RYR1: variants seen among roughly 807,000 people sequenced by gnomAD.
RYR1 encodes the protein ryanodine receptor 1, also known as central core disease of muscle.
Under a neutral mutation model 583.5 loss-of-function variants are expected in RYR1, and 342 were observed. The observed-to-expected ratio is 0.59, with a 90% CI of 0.54 to 0.64. The LOEUF (loss-of-function observed/expected upper bound fraction) is 0.64, where lower values mean the gene tolerates loss of function less well. RYR1 is among the 30% of genes least tolerant of loss of function. The pLI, the probability that RYR1 is intolerant of heterozygous loss-of-function variation, is 0.00. For missense variants in RYR1, 6,032 were observed against 6,917.2 expected, an observed-to-expected ratio of 0.87 and a Z score of 4.54; for synonymous variants, 2,791 against 2,822.5, an observed-to-expected ratio of 0.99 and a Z score of 0.35.
intron 34 of RYR1, among the ~76,000 whole-genome samples, chr19:38,488,342 C>T (rs552659410): frequency 3.3e-4 from 50 of 152,214 alleles, no homozygotes; most frequent in Middle Eastern, 3.4e-3. Context: ...TCATCATCCA[C>T]TTATTCATCT....
rs1038063554 is a variant in RYR1 at position 38,517,636 on chromosome 19, A to C, written c.9963A>C (p.Arg3321Ser). 3.7e-6 allele frequency: 6 copies of C among 1,614,016 alleles called. No individual in the cohort carries two copies. Among genetic ancestry groups the C allele is most frequent in the Non-Finnish European group, 5.1e-6 (6 of 1,180,034 alleles). ...HLNSLLGNIL[R>S]IIVNNLGIDE... The stretch of plus-strand genomic sequence containing the variant: ...ACTCCCTGCTGGGGAATATCCTGAG[A>C]ATCATCGTCAACAACCTGGGCATTG... The change falls in exon 66 of 106, where the codon AGA (arginine) becomes AGC (serine). Residue 3321 changes from arginine (R) to serine (S), a missense_variant. Physicochemically the swap from Arg to Ser is moderately radical, Grantham distance 110. Around this residue, in one of 11 missense-constraint regions of RYR1, gnomAD observed 1,493 missense variants for 1,715.5 expected, o/e 0.87. Coordinates refer to ENST00000359596, the MANE Select transcript of RYR1 (RefSeq NM_000540.3).
chr19:38,565,572 G>A lies in RYR1; in HGVS notation c.13238G>A (p.Gly4413Glu). The A allele has an allele frequency of 6.8e-7, 1 of 1,474,312 alleles. No individual in the cohort carries two copies. Among genetic ancestry groups the A allele is most frequent in the Non-Finnish European group, 8.9e-7 (1 of 1,119,678 alleles). 91.3% of individuals were successfully genotyped at this position (1,474,312 alleles called of 1,614,324 possible). Residue 4413 changes from glycine to glutamate, a missense_variant, in exon 91 of 106, where the codon GGA becomes GAA. By Grantham distance (98) the Gly-to-Glu change is moderately conservative (BLOSUM62 -2). Around this residue, in one of 11 missense-constraint regions of RYR1, gnomAD observed 753 missense variants for 759.6 expected, o/e 0.99. Coordinates refer to ENST00000359596, the MANE Select transcript of RYR1 (RefSeq NM_000540.3). This position sits in a 1 kb window ranked among gnomAD's most constrained non-coding sequence, Gnocchi z 4.7. ...GGCGAGGGTGCCAGCGAGGGCGCTG[G>A]AGACGCCGCGGAGGGCGCTGGAGAC... Reference protein sequence around the residue: ...ADGEGASEGAGDAAEGAGDEE... With the variant: ...ADGEGASEGAEDAAEGAGDEE...
rs2915957 is a variant in RYR1, at chr19:38,506,683, T to C, written c.8692+137T>C. On this transcript the variant is annotated intron_variant, in intron 56 of 105. Transcript: ENST00000359596. ...AACAGCGTTTACCACCATGGGGTAATGAGATGAGCACCAGCAAGCAATGTT... is the reference window on the plus strand; with the variant it reads ...AACAGCGTTTACCACCATGGGGTAACGAGATGAGCACCAGCAAGCAATGTT... 0.28 allele frequency: 408,155 copies of C among 1,474,534 alleles called. 60,376 individuals carry two copies. The highest frequency in any genetic ancestry group is 0.45 in the South Asian group (37,731 of 84,760). The allele number at this position is 1,474,534 out of a possible 1,614,324, so 91.3% of individuals were successfully genotyped here. A position where few individuals can be genotyped will look rare whatever the true frequency, so the allele number is the denominator to read the frequency against.
intron 18 of RYR1, 140 bp from the exon 19 acceptor site, chr19:38,459,006 G>C (rs1967583787): frequency 2.7e-6 from 2 of 751,154 alleles, no homozygotes; most frequent in Non-Finnish European, 4.6e-6. Context: ...AGAGCTACGG[G>C]AGCATCCAAG....
rs1286297212 is a variant in RYR1 at position 38,483,086 on chromosome 19, C to T, written c.4680C>T (p.Val1560=). The T allele has an allele frequency of 3.1e-6, 5 of 1,613,992 alleles. No homozygotes were observed. In the South Asian group the frequency reaches 4.4e-5, roughly 14 times the overall value. Residue 1560 remains valine, a synonymous_variant, in exon 32 of 106, where the codon GTC becomes GTT. Coordinates refer to ENST00000359596, the MANE Select transcript of RYR1 (RefSeq NM_000540.3). The surrounding 1 kb of genome is among the most constrained non-coding windows in gnomAD (Gnocchi z 6.3). ...AVFVLPTHQN[V]IQFELGKQKN... The stretch of plus-strand genomic sequence containing the variant: ...TCGTCCTGCCCACCCACCAGAACGT[C>T]ATCCAGTTTGAGCTGGGGAAGCAGA...
chr19:38,434,003 T>C lies in RYR1; in HGVS notation c.45+129T>C. ...ACTCGAGGTCTCTTCCTATGTCACT[T>C]TGAGTGACTGTCACTCTGTCTTTTA... On this transcript the variant is annotated intron_variant, in intron 1 of 105. Coordinates refer to ENST00000359596, the MANE Select transcript of RYR1 (RefSeq NM_000540.3). The C allele has an allele frequency of 4.9e-6, 4 of 821,290 alleles. No homozygotes were observed. In the East Asian group the frequency reaches 7.3e-5, roughly 15 times the overall value. The allele number at this position is 821,290 out of a possible 1,614,324, so 50.9% of individuals were successfully genotyped here. A position where few individuals can be genotyped will look rare whatever the true frequency, so the allele number is the denominator to read the frequency against.
intron 87 of RYR1, among the ~76,000 whole-genome samples, chr19:38,546,168 T>C (rs1972414344): frequency 1.3e-5 from 2 of 152,026 alleles, no homozygotes; most frequent in African/African-American, 2.4e-5. Context: ...CTGCCCCAAA[T>C]GTCTGCCCCG....
chr19:38,527,714 A>T lies in RYR1; in HGVS notation c.10754A>T (p.Asp3585Val). The T allele has an allele frequency of 5.6e-6, 9 of 1,613,218 alleles. No homozygotes were observed. Among genetic ancestry groups the T allele is most frequent in the Non-Finnish European group, 7.6e-6 (9 of 1,179,800 alleles). The change falls in exon 73 of 106, where the codon GAC becomes GTC. Residue 3585 changes from aspartate (D) to valine (V), a missense_variant. Physicochemically the swap from Asp to Val is radical, Grantham distance 152. Around this residue, in one of 11 missense-constraint regions of RYR1, gnomAD observed 1,493 missense variants for 1,715.5 expected, o/e 0.87. Coordinates refer to ENST00000359596, the MANE Select transcript of RYR1 (RefSeq NM_000540.3). ...CGGGGCGTCCCGGGTCGCGAGGAGG[A>T]CGCCGATGACCCCGAGAAAATCGTG... ...LYRGVPGREE[D>V]ADDPEKIVRR...
At position 38,463,925 on chromosome 19, in the gene RYR1, C is replaced by T. The variant is rs538153285; in HGVS notation, c.2786+75C>T. ...GGGAGGGAGGCATGGAGAGACAGGG[C>T]AGGAGGTAGAGACTGAGAGAGAGAA... On this transcript the variant is annotated intron_variant, in intron 22 of 105. Transcript: ENST00000359596. 4.6e-5 allele frequency: 51 copies of T among 1,101,340 alleles called. No homozygotes were observed. The Middle Eastern group carries it at 1.1e-3, about 24-fold the overall frequency. 68.2% of individuals were successfully genotyped at this position (1,101,340 alleles called of 1,614,324 possible). A position where few individuals can be genotyped will look rare whatever the true frequency, so the allele number is the denominator to read the frequency against.
At chr19:38,579,292 AC>A (rs1974092862) in intron 99 of RYR1, among the ~76,000 whole-genome samples, 1 of 151,776 alleles carries the variant, frequency 6.6e-6, no homozygotes, top group South Asian at 2.1e-4. Context: ...GGGTGTGGTG[AC>A]CCACGCCTGT....
At position 38,438,616 on chromosome 19, in the gene RYR1, C is replaced by CTTTTTTTT. The variant is rs71165544; in HGVS notation, c.46-2116_46-2109dup. Among the ~76,000 whole-genome samples, 358 of 93,956 alleles carry CTTTTTTTT rather than the reference C, an allele frequency of 3.8e-3. 12 individuals carry two copies. Among genetic ancestry groups the CTTTTTTTT allele is most frequent in the East Asian group, 0.017 (45 of 2,660 alleles). 61.6% of individuals were successfully genotyped at this position (93,956 alleles called of 152,430 possible). A position where few individuals can be genotyped will look rare whatever the true frequency, so the allele number is the denominator to read the frequency against. ...CATTATGTATATTGCCCAGGCTAGTCTTTTTTTTTTTTTTTTTTTTGAGAT... is the reference window on the plus strand; with the variant it reads ...CATTATGTATATTGCCCAGGCTAGTCTTTTTTTTTTTTTTTTTTTTTTTTTTTTGAGAT... On this transcript the variant is annotated intron_variant, in intron 1 of 105. Transcript: ENST00000359596.
chr19:38,530,344 C>T (rs1349660423), intron 76 of RYR1, among the ~76,000 whole-genome samples: 2 of 151,894 alleles, frequency 1.3e-5, no homozygotes, highest in African/African-American at 4.8e-5. Context: ...AGACCCCCCA[C>T]TCCACATCAC....
chr19:38,539,230 G>A (rs1332752641), intron 84 of RYR1, among the ~76,000 whole-genome samples: 5 of 146,748 alleles, frequency 3.4e-5, no homozygotes, highest in Non-Finnish European at 7.5e-5. Flanking sequence ...ATGGGACTAA[G>A]ATTTTTTCTT....
At position 38,455,316 on chromosome 19, in the gene RYR1, G is replaced by A; in HGVS notation, c.1522G>A (p.Glu508Lys). 1.2e-6 allele frequency: 2 copies of A among 1,614,104 alleles called. No individual in the cohort carries two copies. Among genetic ancestry groups the A allele is most frequent in the Non-Finnish European group, 1.7e-6 (2 of 1,180,010 alleles). The change falls in exon 14 of 106, where the codon GAG becomes AAG. Residue 508 changes from glutamate to lysine, a missense_variant. Physicochemically the swap from Glu to Lys is moderately conservative, Grantham distance 56. Transcript: ENST00000359596. ...TGCCCACTTTGCTGAGTTTGCAGGG[G>A]AGGAGGCAGCCGAGTCCTGGAAAGA... is the stretch of plus-strand genomic sequence containing the variant. ...TAAHFAEFAGEEAAESWKEIV... is the reference protein window; with the variant it reads ...TAAHFAEFAGKEAAESWKEIV...
chr19:38,526,304 C>G (rs1279039858), intron 71 of RYR1, among the ~76,000 whole-genome samples: 1 of 151,980 alleles, frequency 6.6e-6, no homozygotes, highest in Non-Finnish European at 1.5e-5. Context: ...CTAAGGAACC[C>G]TCCCAGGATT....
Position 38,483,341 on chromosome 19 carries a change from G to C in RYR1, c.4759G>C (p.Ala1587Pro). ...AMFQSERKNP[A>P]PQCPPRLEMQ... ...GTTCCAAAGCGAGCGCAAGAACCCG[G>C]CCCCGCAGTGCCCACCGCGGCTGGA... Residue 1587 changes from alanine (A) to proline (P), a missense_variant, in exon 33 of 106, where the codon GCC becomes CCC. By Grantham distance (27) the Ala-to-Pro change is conservative. Transcript: ENST00000359596. This position sits in a 1 kb window ranked among gnomAD's most constrained non-coding sequence, Gnocchi z 6.3. The C allele has an allele frequency of 1.3e-6, 2 of 1,560,066 alleles. No individual in the cohort carries two copies. The highest frequency in any genetic ancestry group is 1.7e-6 in the Non-Finnish European group (2 of 1,152,144).
rs774418156 is a variant in RYR1, at chr19:38,543,915, G to A, written c.12012+40G>A. 3.2e-6 allele frequency: 5 copies of A among 1,577,022 alleles called. No homozygotes were observed. Among genetic ancestry groups the A allele is most frequent in the East Asian group, 2.3e-5 (1 of 44,038 alleles). ...GGTCTCCATCCACCTGCTTCCGGGC[G>A]TCCCCCAAGTGGTCCATTTCCAAGT... is the stretch of plus-strand genomic sequence containing the variant. On this transcript the variant is annotated intron_variant, in intron 87 of 105. Coordinates refer to ENST00000359596, the MANE Select transcript of RYR1 (RefSeq NM_000540.3). The surrounding 1 kb of genome is among the most constrained non-coding windows in gnomAD (Gnocchi z 4.4).
rs1469699 is a variant in RYR1, at chr19:38,502,998, A to G, written c.7926+28A>G. 467,781 of 1,598,578 alleles carry G rather than the reference A, an allele frequency of 0.29. 72,920 individuals carry two copies. The highest frequency in any genetic ancestry group is 0.48 in the African/African-American group (35,810 of 74,804). On this transcript the variant is annotated intron_variant, in intron 49 of 105. Transcript: ENST00000359596. ...GAGGGCAAGCGCTCTTTAGCATCTC[A>G]TTTCCAGGCCGCACCCACTGGTTTG...
intron 13 of RYR1, among the ~76,000 whole-genome samples, chr19:38,455,019 G>A (rs1967289972): frequency 6.6e-6 from 1 of 152,052 alleles, no homozygotes; most frequent in Non-Finnish European, 1.5e-5. Context: ...CTCATATTGG[G>A]GATAGAGTCA....
Sources: allele counts gnomAD v4.1 joint callset (sites outside exome capture counted in the v4.1 genomes callset), GRCh38; gene constraint gnomAD v4.1.1; regional missense constraint gnomAD v4.1.1; non-coding constraint Gnocchi (gnomAD v3.1); transcripts MANE v1.5; gene names NCBI Gene and HGNC (gene_info 2026-07-23, HGNC 2026-07-21).